The following DOCK1 variants were observed in gnomAD, a reference collection of about 807,000 sequenced individuals.
The protein encoded by DOCK1 is dedicator of cytokinesis protein 1.
In DOCK1, 138 loss-of-function variants were observed where a neutral mutation model predicts 262.7. The observed-to-expected ratio is 0.53, with a 90% CI of 0.46 to 0.61. The LOEUF (loss-of-function observed/expected upper bound fraction) is 0.61. Ranked by LOEUF, DOCK1 falls within the 20% of genes least tolerant of loss-of-function variation. The pLI is 0.00. For synonymous variants in DOCK1, 866 were observed against 867.4 expected, an observed-to-expected ratio of 1.00 and a Z score of 0.03; for missense variants, 1,908 against 2,370.7, an observed-to-expected ratio of 0.80 and a Z score of 4.05.
chr10:127,081,844 T>C (rs1446409305), intron 23 of DOCK1, among the ~76,000 whole-genome samples: 2 of 152,228 alleles, frequency 1.3e-5, no homozygotes, highest in African/African-American at 4.8e-5. Context: ...TATCTGATTT[T>C]GGATCATTTT....
chr10:127,055,205 T>G (rs956251488), intron 22 of DOCK1, among the ~76,000 whole-genome samples: 1 of 151,874 alleles, frequency 6.6e-6, no homozygotes, highest in African/African-American at 2.4e-5. Context: ...GGAGGAAGAG[T>G]TCCGAGTTCA....
At chr10:126,988,516 G>C (rs2039569892) in intron 5 of DOCK1, 1 of 152,176 alleles carries the variant, frequency 6.6e-6, no homozygotes, top group African/African-American at 2.4e-5. Flanking sequence ...AAAGCGTAAA[G>C]TTAGCCATGA....
Position 126,998,125 on chromosome 10 carries a change from G to A in DOCK1, c.643G>A (p.Ala215Thr). Reference protein sequence around the residue: ...QKQNIDINRQAKFAATPSLAL... With the variant: ...QKQNIDINRQTKFAATPSLAL... ...GCAGAACATAGATATTAACAGACAA[G>A]CCAAGTTTGCTGCAACCCCTTCTCT... Residue 215 changes from alanine to threonine, a missense_variant, in exon 8 of 52, where the codon GCC (alanine) becomes ACC (threonine). Ala to Thr is a moderately conservative substitution (Grantham distance 58, BLOSUM62 0). Around this residue, in one of 9 missense-constraint regions of DOCK1, gnomAD observed 227 missense variants for 254.1 expected, o/e 0.89. Transcript: ENST00000623213. The A allele has an allele frequency of 4.3e-6, 7 of 1,614,006 alleles. No individual in the cohort carries two copies. Among genetic ancestry groups the A allele is most frequent in the Non-Finnish European group, 5.9e-6 (7 of 1,179,892 alleles).
chr10:127,109,925 CCTAA>C (rs1429876135), intron 24 of DOCK1, among the ~76,000 whole-genome samples: 3 of 152,190 alleles, frequency 2.0e-5, no homozygotes, highest in Non-Finnish European at 2.9e-5. Context: ...TGAGGAAATG[CCTAA>C]CTGTTTTCCA....
chr10:127,005,714 C>T (rs2040964059), intron 10 of DOCK1, among the ~76,000 whole-genome samples: 1 of 152,052 alleles, frequency 6.6e-6, no homozygotes, highest in Admixed American at 6.6e-5. Flanking sequence ...AGGGTAGTAC[C>T]TCATGTTTAT....
At chr10:127,082,572 C>T (rs1004924415) in intron 23 of DOCK1, among the ~76,000 whole-genome samples, 5 of 151,952 alleles carry the variant, frequency 3.3e-5, no homozygotes, top group Admixed American at 1.3e-4. Flanking sequence ...AAAACCCATC[C>T]CCATGATTCA....
At chr10:127,127,155 A>C (rs1374679668) in intron 26 of DOCK1, among the ~76,000 whole-genome samples, 1 of 152,230 alleles carries the variant, frequency 6.6e-6, no homozygotes, top group African/African-American at 2.4e-5. Flanking sequence ...CACGAAGAAG[A>C]ATCAACAATC....
chr10:126,917,891 T>C (rs1050178645), intron 1 of DOCK1, among the ~76,000 whole-genome samples: 2 of 152,160 alleles, frequency 1.3e-5, no homozygotes, highest in Non-Finnish European at 2.9e-5. Flanking sequence ...TGAGTTTTCC[T>C]TCTTCAGTTC....
rs553579887 is a variant in DOCK1 at position 127,447,536 on chromosome 10, A to G, written c.5556A>G (p.Pro1852=). 6 of 1,613,804 alleles carry G rather than the reference A, an allele frequency of 3.7e-6. No homozygotes were observed. In the African/African-American group the frequency reaches 6.7e-5, roughly 18 times the overall value. The stretch of plus-strand genomic sequence containing the variant: ...CGCCAACACCTCCACCTCCCCCTCC[A>G]CACCAGAGGGTAAGTCGGCAATCTG... The part of the protein sequence containing the change: ...LGSPTPPPPP[P]HQRHLPPPLP... Residue 1852 remains proline, a synonymous_variant, in exon 51 of 52, where the codon CCA becomes CCG. Coordinates refer to ENST00000623213, the MANE Select transcript of DOCK1 (RefSeq NM_001290223.2).
At position 127,446,470 on chromosome 10, in the gene DOCK1, G is replaced by A. The variant is rs989438285; in HGVS notation, c.5414-924G>A. Among the ~76,000 whole-genome samples the A allele has an allele frequency of 1.1e-4, 17 of 152,118 alleles. No individual in the cohort carries two copies. Among genetic ancestry groups the A allele is most frequent in the African/African-American group, 4.1e-4 (17 of 41,436 alleles). ...GCTAAAATGGCAAATTTTATGTCGT[G>A]TATATCTTACCACAATAATAGCAAA... On this transcript the variant is annotated intron_variant, in intron 50 of 51. Transcript: ENST00000623213. This position sits in a 1 kb window ranked among gnomAD's most constrained non-coding sequence, Gnocchi z 4.4.
At chr10:127,090,105 G>A (rs2047428399) in intron 23 of DOCK1, among the ~76,000 whole-genome samples, 1 of 152,120 alleles carries the variant, frequency 6.6e-6, no homozygotes. Context: ...CGGGACACTG[G>A]GATGCTTCTC....
intron 18 of DOCK1, among the ~76,000 whole-genome samples, chr10:127,032,648 G>T (rs1264417009): frequency 6.6e-6 from 1 of 152,092 alleles, no homozygotes; most frequent in African/African-American, 2.4e-5. Context: ...TGTCCTCCTA[G>T]GCTCAGGCGA....
chr10:127,404,273 C>G (rs1393811873), intron 39 of DOCK1, 52 bp from the exon 40 acceptor site: 8 of 1,486,550 alleles, frequency 5.4e-6, no homozygotes, highest in Non-Finnish European at 7.4e-6. Context: ...AATCCAGAGG[C>G]ACACATGCTT....
At chr10:127,252,862 C>T (rs891314846) in intron 28 of DOCK1, among the ~76,000 whole-genome samples, 14 of 152,192 alleles carry the variant, frequency 9.2e-5, no homozygotes, top group African/African-American at 1.9e-4. Context: ...ATTGATTTGG[C>T]GATGCGGGCT....
intron 27 of DOCK1, among the ~76,000 whole-genome samples, chr10:127,173,979 C>T (rs562418489): frequency 6.6e-6 from 1 of 152,318 alleles, no homozygotes; most frequent in South Asian, 2.1e-4. Context: ...CAGGGCAGGA[C>T]CTGCCCCAGC....
At position 127,357,027 on chromosome 10, in the gene DOCK1, G is replaced by A. The variant is rs537563200; in HGVS notation, c.3283+2300G>A. The stretch of plus-strand genomic sequence containing the variant: ...ACCACCCTAGCGGAGGGTCTGATGG[G>A]TCATTACATACTGAAATGCTTCCTT... On this transcript the variant is annotated intron_variant, in intron 32 of 51. Coordinates refer to ENST00000623213, the MANE Select transcript of DOCK1 (RefSeq NM_001290223.2). Among the ~76,000 whole-genome samples, 217 of 152,118 alleles carry A rather than the reference G, an allele frequency of 1.4e-3. 1 individual carries two copies. The highest frequency in any genetic ancestry group is 6.8e-3 in the Middle Eastern group (2 of 294).
Position 126,987,575 on chromosome 10 carries a change from G to A in DOCK1, c.282G>A (p.Thr94=), listed in dbSNP as rs373183539. The A allele has an allele frequency of 8.9e-5, 140 of 1,574,496 alleles. 1 individual carries two copies. The highest frequency in any genetic ancestry group is 6.5e-4 in the Admixed American group (35 of 54,244). Residue 94 remains threonine, a synonymous_variant, in exon 5 of 52, where the codon ACG becomes ACA. Coordinates refer to ENST00000623213, the MANE Select transcript of DOCK1 (RefSeq NM_001290223.2). ...GDLPLIQEVT[T]TLREWSTIWR... is the part of the protein sequence containing the mutation. Reference sequence around the variant, plus strand: ...TCCCCCTCATCCAGGAAGTCACCACGACACTCCGAGAGTGGTCCACCATCT... The same window carrying A: ...TCCCCCTCATCCAGGAAGTCACCACAACACTCCGAGAGTGGTCCACCATCT...
intron 31 of DOCK1, among the ~76,000 whole-genome samples, chr10:127,345,322 G>A (rs968200804): frequency 1.3e-5 from 2 of 152,002 alleles, no homozygotes; most frequent in African/African-American, 2.4e-5. Context: ...TTAGGCCCTC[G>A]TATCTGCCCT....
intron 1 of DOCK1, among the ~76,000 whole-genome samples, chr10:126,910,112 T>C (rs1188775831): frequency 2.0e-5 from 3 of 152,234 alleles, no homozygotes; most frequent in African/African-American, 7.2e-5. Context: ...GCTGCTACTT[T>C]GGGGAAGAAA....
Sources: allele counts gnomAD v4.1 joint callset (sites outside exome capture counted in the v4.1 genomes callset), GRCh38; gene constraint gnomAD v4.1.1; regional missense constraint gnomAD v4.1.1; non-coding constraint Gnocchi (gnomAD v3.1); transcripts MANE v1.5; gene names NCBI Gene and HGNC (gene_info 2026-07-23, HGNC 2026-07-21).